The following EPB41L5 variants were observed in gnomAD, a reference collection of about 807,000 sequenced individuals.
EPB41L5 encodes erythrocyte membrane protein band 4.1 like 5.
Under a neutral mutation model 106.6 loss-of-function variants are expected in EPB41L5, and 55 were observed. That is an observed-to-expected ratio of 0.52 (90% CI 0.42 to 0.65). The LOEUF (loss-of-function observed/expected upper bound fraction) is 0.65, where lower values mean the gene tolerates loss of function less well. EPB41L5 is among the 30% of genes least tolerant of loss of function. EPB41L5 has a pLI of 0.00. For missense variants in EPB41L5, 871 were observed against 882.1 expected (o/e 0.99, Z 0.16); for synonymous variants, 297 against 306.7 (o/e 0.97, Z 0.33).
At chr2:120,111,403 G>T (rs966308791) in intron 16 of EPB41L5, among the ~76,000 whole-genome samples, 3 of 152,118 alleles carry the variant, frequency 2.0e-5, no homozygotes, top group African/African-American at 7.2e-5. Flanking sequence ...GTTGCTAAGC[G>T]TGTCTTGGGC....
intron 20 of EPB41L5, among the ~76,000 whole-genome samples, chr2:120,160,229 T>G (rs189701659): frequency 6.6e-6 from 1 of 152,360 alleles, no homozygotes; most frequent in African/African-American, 2.4e-5. Context: ...AAAATTATAC[T>G]TTTCGGCTTC....
chr2:120,028,218 T>C (rs1227916472), intron 2 of EPB41L5, among the ~76,000 whole-genome samples: 1 of 152,084 alleles, frequency 6.6e-6, no homozygotes, highest in African/African-American at 2.4e-5. Flanking sequence ...ATTTGTATTT[T>C]ATTCCACTCA....
At chr2:120,062,478 T>TA (rs1207582205) in intron 3 of EPB41L5, among the ~76,000 whole-genome samples, 3 of 152,118 alleles carry the variant, frequency 2.0e-5, no homozygotes, top group Non-Finnish European at 4.4e-5. Context: ...TTCTGGATTT[T>TA]AAAAAAATTA....
intron 2 of EPB41L5, among the ~76,000 whole-genome samples, chr2:120,039,332 A>G (rs1276128882): frequency 6.6e-6 from 1 of 152,148 alleles, no homozygotes; most frequent in African/African-American, 2.4e-5. Flanking sequence ...TGATTGGAAT[A>G]GTGACAGGTT....
chr2:120,075,079 C>T (rs997965425), intron 5 of EPB41L5, among the ~76,000 whole-genome samples: 24 of 152,176 alleles, frequency 1.6e-4, no homozygotes, highest in African/African-American at 5.3e-4. Context: ...CCACCCGCCT[C>T]GCCCTCCCAA....
At position 120,068,486 on chromosome 2, in the gene EPB41L5, C is replaced by T. The variant is rs1681608297; in HGVS notation, c.286-4692C>T. On this transcript the variant is annotated intron_variant, in intron 3 of 24. Coordinates refer to ENST00000263713, the MANE Select transcript of EPB41L5 (RefSeq NM_020909.4). The stretch of plus-strand genomic sequence containing the variant: ...AAATTCTTGCTGCCAGCACAGCAGT[C>T]TGAAGCCGACCTGGGACGCTCAGGC... Among the ~76,000 whole-genome samples the T allele has an allele frequency of 3.9e-5, 6 of 152,186 alleles. No homozygotes were observed. The South Asian group carries it at 1.2e-3, about 31-fold the overall frequency.
chr2:120,043,476 G>A (rs1163043223), intron 3 of EPB41L5, among the ~76,000 whole-genome samples: 2 of 152,014 alleles, frequency 1.3e-5, no homozygotes, highest in African/African-American at 2.4e-5. Flanking sequence ...GAACCCGGGA[G>A]GCAGAGGTTG....
intron 10 of EPB41L5, among the ~76,000 whole-genome samples, 183 bp downstream of exon 10, chr2:120,078,764 T>G (rs944439244): frequency 9.2e-5 from 14 of 152,170 alleles, no homozygotes; most frequent in Non-Finnish European, 1.8e-4. Flanking sequence ...TTATTAAAAC[T>G]CTTCTAGCTG....
intron 10 of EPB41L5, 90 bp from the exon 11 acceptor site, chr2:120,087,081 G>T: frequency 1.3e-6 from 1 of 749,916 alleles, no homozygotes; most frequent in South Asian, 1.8e-5. Context: ...GGAGTTAGAT[G>T]GTTAAATGTA....
At chr2:120,026,403 CTA>C (rs1172694113) in intron 2 of EPB41L5, among the ~76,000 whole-genome samples, 1 of 151,998 alleles carries the variant, frequency 6.6e-6, no homozygotes, top group Non-Finnish European at 1.5e-5. Context: ...GAGTCTCACT[CTA>C]TTGCTCAGGC....
intron 20 of EPB41L5, among the ~76,000 whole-genome samples, chr2:120,148,488 A>G (rs1197014246): frequency 1.3e-5 from 2 of 152,060 alleles, no homozygotes; most frequent in East Asian, 1.9e-4. Context: ...TAAAGTCTGC[A>G]AACACTTTAC....
intron 18 of EPB41L5, among the ~76,000 whole-genome samples, chr2:120,138,758 C>T (rs1686043356): frequency 6.6e-6 from 1 of 151,884 alleles, no homozygotes; most frequent in Non-Finnish European, 1.5e-5. Context: ...CCATACTTCC[C>T]AAAGCAGTTT....
In EPB41L5 at chr2:120,062,556, A is replaced by T. The variant is rs117167646; in HGVS notation, c.286-10622A>T. Among the ~76,000 whole-genome samples the T allele has an allele frequency of 1.5e-3, 225 of 152,346 alleles. 7 individuals carry two copies. The East Asian group carries it at 0.038, about 25-fold the overall frequency. On this transcript the variant is annotated intron_variant, in intron 3 of 24. Coordinates refer to ENST00000263713, the MANE Select transcript of EPB41L5 (RefSeq NM_020909.4). ...AGTTTAAAGCTGTTTGATTATATTT[A>T]CAAATTAAACTTATCAGTGTATGAA...
chr2:120,016,177 C>T (rs573719188), intron 1 of EPB41L5, among the ~76,000 whole-genome samples: 2 of 152,204 alleles, frequency 1.3e-5, no homozygotes, highest in African/African-American at 4.8e-5. Context: ...CGCCTGTAAT[C>T]CTAGCACTTT....
Position 120,160,867 on chromosome 2 carries a change from CTT to C in EPB41L5, c.1794-10_1794-9del. ...CAGGTCCTACATGATGTGAATTTAT[CTT>C]TTTCTTCCTAGTGCTGTGTTAAATG... On this transcript the variant is annotated splice_polypyrimidine_tract_variant and intron_variant, in intron 20 of 24. Coordinates refer to ENST00000263713, the MANE Select transcript of EPB41L5 (RefSeq NM_020909.4). The C allele has an allele frequency of 1.9e-6, 3 of 1,597,930 alleles. No homozygotes were observed. The highest frequency in any genetic ancestry group is 2.6e-6 in the Non-Finnish European group (3 of 1,165,464).
chr2:120,044,323 T>C (rs1453457865), intron 3 of EPB41L5, among the ~76,000 whole-genome samples: 2 of 152,170 alleles, frequency 1.3e-5, no homozygotes, highest in East Asian at 1.9e-4. Flanking sequence ...GGCAGGGAAT[T>C]AGTCTTACGT....
At chr2:120,031,385 G>C (rs1459525686) in intron 2 of EPB41L5, among the ~76,000 whole-genome samples, 1 of 152,184 alleles carries the variant, frequency 6.6e-6, no homozygotes, top group Non-Finnish European at 1.5e-5. Context: ...ATTGCAAAGA[G>C]GAGGTGAAGT....
rs3084761 is a variant in EPB41L5, at chr2:120,033,708, CAAA to C, written c.181-8279_181-8277del. ...AGGCAACAAGAGCGAAACTCCATCT[CAAA>C]AAAAAAAAAAAAAAAAAAGTAATTA... On this transcript the variant is annotated intron_variant, in intron 2 of 24. Transcript: ENST00000263713. Among the ~76,000 whole-genome samples the C allele has an allele frequency of 3.3e-3, 323 of 97,342 alleles. 4 individuals are homozygous for C. Among genetic ancestry groups the C allele is most frequent in the East Asian group, 0.019 (63 of 3,316 alleles). 63.9% of individuals were successfully genotyped at this position (97,342 alleles called of 152,430 possible). A position where few individuals can be genotyped will look rare whatever the true frequency, so the allele number is the denominator to read the frequency against.
At chr2:120,093,082 C>A (rs1683520045) in intron 13 of EPB41L5, among the ~76,000 whole-genome samples, 167 bp from the exon 14 acceptor site, 1 of 152,104 alleles carries the variant, frequency 6.6e-6, no homozygotes, top group Non-Finnish European at 1.5e-5. Context: ...AGTAGTGAGA[C>A]CCACCCCTAT....
Sources: gnomAD v4.1 joint callset for allele counts (sites outside exome capture counted in the v4.1 genomes callset) on GRCh38, gnomAD v4.1.1 for gene constraint, MANE v1.5 for transcripts, NCBI Gene and HGNC (gene_info 2026-07-23, HGNC 2026-07-21) for gene names.